The following EHBP1 variants were observed in gnomAD, a reference collection of about 807,000 sequenced individuals.
EHBP1 encodes the protein EH domain binding protein 1, also known as EH domain-binding protein 1.
EHBP1 carries 55 observed loss-of-function variants against 144.0 expected under a neutral mutation model. That is an observed-to-expected ratio of 0.38 (90% CI 0.31 to 0.48). The LOEUF (loss-of-function observed/expected upper bound fraction) is 0.48, where lower values mean the gene tolerates loss of function less well. Ranked by LOEUF, EHBP1 falls within the 20% of genes least tolerant of loss-of-function variation. EHBP1 has a pLI of 0.98. For missense variants in EHBP1, 1,200 were observed against 1,364.2 expected (o/e 0.88, Z 1.90); for synonymous variants, 469 against 472.7 (o/e 0.99, Z 0.10).
chr2:63,001,529 A>G (rs2059847724), intron 19 of EHBP1, among the ~76,000 whole-genome samples: 1 of 152,168 alleles, frequency 6.6e-6, no homozygotes, highest in African/African-American at 2.4e-5. Flanking sequence ...AAAAATAAAA[A>G]TCAAGATGAC....
At chr2:62,874,273 C>A in intron 9 of EHBP1, 73 bp from the exon 10 acceptor site, 1 of 1,201,652 alleles carries the variant, frequency 8.3e-7, no homozygotes, top group South Asian at 2.0e-5. Flanking sequence ...GTTTTCAGTG[C>A]ATGTTTTATT....
At chr2:63,019,786 G>A (rs1379606780) in intron 19 of EHBP1, among the ~76,000 whole-genome samples, 2 of 133,456 alleles carry the variant, frequency 1.5e-5, no homozygotes, top group Non-Finnish European at 3.2e-5. Context: ...GAGGAGAAGG[G>A]AAAGGGGGAG....
At chr2:62,862,386 A>G (rs1002585235) in intron 8 of EHBP1, among the ~76,000 whole-genome samples, 4 of 152,316 alleles carry the variant, frequency 2.6e-5, no homozygotes, top group African/African-American at 9.6e-5. Flanking sequence ...AGGCGGGCAG[A>G]TCACCTGAGG....
In EHBP1 at chr2:62,874,377, C is replaced by A; in HGVS notation, c.1030C>A (p.Pro344Thr). ...TCCTTTTTATGAACCTAAATCAACT[C>A]CTCCTCCAAATAATTTGGTAAATCC... ...SNPFYEPKST[P>T]PPNNLVNPVQ... Residue 344 changes from proline (P) to threonine (T), a missense_variant, in exon 10 of 23, where the codon CCT (proline) becomes ACT (threonine). Physicochemically the swap from Pro to Thr is conservative, Grantham distance 38. Transcript: ENST00000431489. 6.2e-7 allele frequency: 1 copy of A among 1,606,106 alleles called. No homozygotes were observed. The highest frequency in any genetic ancestry group is 8.5e-7 in the Non-Finnish European group (1 of 1,176,416).
intron 5 of EHBP1, among the ~76,000 whole-genome samples, chr2:62,786,476 T>C (rs2042812039): frequency 6.6e-6 from 1 of 152,184 alleles, no homozygotes; most frequent in Non-Finnish European, 1.5e-5. Context: ...GGAGGGGAAT[T>C]AGACTCTACC....
At position 63,045,910 on chromosome 2, in the gene EHBP1, G is replaced by A. The variant is rs1363442483; in HGVS notation, c.*410G>A. On this transcript the variant is annotated 3_prime_UTR_variant, in exon 23 of 23. Coordinates refer to ENST00000431489, the MANE Select transcript of EHBP1 (RefSeq NM_001142616.3). This position sits in a 1 kb window ranked among gnomAD's most constrained non-coding sequence, Gnocchi z 5.7. ...GGTAATAGCATAATGACAGTGGGAG[G>A]GGTACAAGGGGATAAGAAAAATGTC... 6.2e-6 allele frequency: 1 copy of A among 160,684 alleles called. No individual in the cohort carries two copies. Among genetic ancestry groups the A allele is most frequent in the East Asian group, 1.8e-4 (1 of 5,486 alleles). 10.0% of individuals were successfully genotyped at this position (160,684 alleles called of 1,614,324 possible).
intron 3 of EHBP1, among the ~76,000 whole-genome samples, chr2:62,752,201 T>G (rs1416762853): frequency 6.6e-6 from 1 of 152,196 alleles, no homozygotes; most frequent in Admixed American, 6.5e-5. Flanking sequence ...CTCATTGGTT[T>G]CAAAGAACAT....
chr2:62,951,753 G>C (rs962299879), intron 13 of EHBP1, among the ~76,000 whole-genome samples: 2 of 152,056 alleles, frequency 1.3e-5, no homozygotes, highest in African/African-American at 4.8e-5. Context: ...TCGAACTCCT[G>C]ACCTCAGGTG....
At chr2:62,943,202 C>CA (rs1215182619) in intron 11 of EHBP1, among the ~76,000 whole-genome samples, 1 of 151,986 alleles carries the variant, frequency 6.6e-6, no homozygotes, top group Non-Finnish European at 1.5e-5. Context: ...CATGGAGAAA[C>CA]ACCGTCTCTA....
At chr2:62,991,745 G>T (rs981788129) in intron 16 of EHBP1, among the ~76,000 whole-genome samples, 1 of 152,166 alleles carries the variant, frequency 6.6e-6, no homozygotes, top group Non-Finnish European at 1.5e-5. Context: ...TTCCAGTCCT[G>T]TATAACTTTT....
chr2:62,996,406 G>T (rs2059627930), intron 18 of EHBP1, among the ~76,000 whole-genome samples: 1 of 151,930 alleles, frequency 6.6e-6, no homozygotes, highest in Non-Finnish European at 1.5e-5. Context: ...TGGCAAATCT[G>T]CCTGTGAAAT....
At chr2:62,673,984 T>C (rs995175291) in exon 1 of EHBP1, 7 of 470,168 alleles carry the variant, frequency 1.5e-5, no homozygotes, top group African/African-American at 1.2e-4. Context: ...AAGGTTAGCA[T>C]GCCCCTGTAG....
chr2:62,733,583 A>T (rs564287238), intron 2 of EHBP1, among the ~76,000 whole-genome samples: 1 of 152,158 alleles, frequency 6.6e-6, no homozygotes, highest in East Asian at 1.9e-4. Context: ...AGGGTACTGG[A>T]GTTGGTTATT....
intron 7 of EHBP1, among the ~76,000 whole-genome samples, chr2:62,842,774 A>C (rs1194220088): frequency 6.6e-6 from 1 of 152,224 alleles, no homozygotes; most frequent in Non-Finnish European, 1.5e-5. Flanking sequence ...AATCTCAATT[A>C]GATACGGGTA....
At chr2:62,883,174 A>G (rs1327413464) in intron 10 of EHBP1, among the ~76,000 whole-genome samples, 1 of 152,222 alleles carries the variant, frequency 6.6e-6, no homozygotes, top group Non-Finnish European at 1.5e-5. Context: ...ATTGTGTGCA[A>G]AACCCATGCT....
intron 10 of EHBP1, among the ~76,000 whole-genome samples, chr2:62,914,284 G>C (rs2054442712): frequency 6.6e-6 from 1 of 152,002 alleles, no homozygotes; most frequent in African/African-American, 2.4e-5. Context: ...AGTTGCAGTT[G>C]TCTCTAGGGA....
At chr2:62,914,367 C>T (rs766019793) in intron 10 of EHBP1, among the ~76,000 whole-genome samples, 37 of 151,918 alleles carry the variant, frequency 2.4e-4, no homozygotes, top group Non-Finnish European at 4.4e-4. Flanking sequence ...TGTAAAGATT[C>T]TTGGGGGGAG....
intron 10 of EHBP1, among the ~76,000 whole-genome samples, chr2:62,935,287 C>T (rs1437194943): frequency 6.8e-6 from 1 of 148,076 alleles, no homozygotes; most frequent in Non-Finnish European, 1.5e-5. Flanking sequence ...CAAGATCGTG[C>T]CAGTGCACTC....
intron 7 of EHBP1, among the ~76,000 whole-genome samples, chr2:62,837,790 T>C (rs1327023033): frequency 1.3e-5 from 2 of 152,138 alleles, no homozygotes; most frequent in Admixed American, 6.5e-5. Flanking sequence ...GAAGAGCTAA[T>C]TATCCTAAAT....
Sources: allele counts gnomAD v4.1 joint callset (sites outside exome capture counted in the v4.1 genomes callset), GRCh38; gene constraint gnomAD v4.1.1; non-coding constraint Gnocchi (gnomAD v3.1); transcripts MANE v1.5; gene names NCBI Gene and HGNC (gene_info 2026-07-23, HGNC 2026-07-21).